RBFOX1: variants seen among roughly 807,000 people sequenced by gnomAD.
RBFOX1 encodes RNA binding fox-1 homolog 1.
Under a neutral mutation model 57.7 loss-of-function variants are expected in RBFOX1, and 8 were observed. That is an observed-to-expected ratio of 0.14 (90% confidence interval 0.08 to 0.25). The LOEUF is 0.25. RBFOX1 is among the 10% of genes least tolerant of loss of function. RBFOX1 has a pLI of 1.00. For synonymous variants in RBFOX1, 326 were observed against 222.4 expected (o/e 1.47, Z -4.15); for missense variants, 611 against 548.5 (o/e 1.11, Z -1.14).
At chr16:6,115,570 G>A (rs2096489091) in intron 1 of RBFOX1, among the ~76,000 whole-genome samples, 1 of 152,102 alleles carries the variant, frequency 6.6e-6, no homozygotes, top group Non-Finnish European at 1.5e-5. Flanking sequence ...TCCTTGCATG[G>A]CAGCCAGGTG....
At chr16:6,648,504 C>G (rs1448741509) in intron 2 of RBFOX1, among the ~76,000 whole-genome samples, 1 of 152,180 alleles carries the variant, frequency 6.6e-6, no homozygotes, top group Non-Finnish European at 1.5e-5. Flanking sequence ...GAGTCTAGTG[C>G]CGTGAGTCTA....
At chr16:7,222,621 G>T (rs745458184) in intron 4 of RBFOX1, among the ~76,000 whole-genome samples, 41 of 152,310 alleles carry the variant, frequency 2.7e-4, no homozygotes, top group Middle Eastern at 3.4e-3. Flanking sequence ...TGCCGCTTAT[G>T]ATCTGTGTGC....
chr16:5,646,858 C>T (rs1219705773), intron 3 of RBFOX1, among the ~76,000 whole-genome samples: 1 of 152,078 alleles, frequency 6.6e-6, no homozygotes, highest in Non-Finnish European at 1.5e-5. Flanking sequence ...TGGTCTCAAT[C>T]TCTTGACCTC....
chr16:6,167,405 G>C (rs1323897163), intron 1 of RBFOX1, among the ~76,000 whole-genome samples: 1 of 152,162 alleles, frequency 6.6e-6, no homozygotes, highest in Non-Finnish European at 1.5e-5. Flanking sequence ...GTACCCACTG[G>C]CTGTTTAAGT....
At chr16:5,903,381 C>T (rs1164403183) in intron 4 of RBFOX1, among the ~76,000 whole-genome samples, 2 of 152,168 alleles carry the variant, frequency 1.3e-5, no homozygotes, top group Non-Finnish European at 2.9e-5. Flanking sequence ...CCTGACACTT[C>T]CTATTACTCA....
chr16:6,833,253 C>A (rs1567465848), intron 3 of RBFOX1, among the ~76,000 whole-genome samples: 1 of 151,966 alleles, frequency 6.6e-6, no homozygotes. Flanking sequence ...ACAACCTCCG[C>A]CTCCCAGATT....
intron 4 of RBFOX1, among the ~76,000 whole-genome samples, chr16:7,303,665 G>A (rs985861869): frequency 1.3e-5 from 2 of 152,160 alleles, no homozygotes; most frequent in African/African-American, 2.4e-5. Flanking sequence ...CAAATGAGGA[G>A]ACAGACAGCA....
intron 1 of RBFOX1, among the ~76,000 whole-genome samples, chr16:6,078,746 G>C (rs1944785843): frequency 6.6e-6 from 1 of 152,200 alleles, no homozygotes; most frequent in Admixed American, 6.5e-5. Context: ...GTTGTTATTT[G>C]ATGATCCAGA....
At chr16:6,677,445 C>G (rs922935291) in intron 3 of RBFOX1, among the ~76,000 whole-genome samples, 4 of 152,132 alleles carry the variant, frequency 2.6e-5, no homozygotes, top group East Asian at 3.9e-4. Flanking sequence ...CTTATTGCCC[C>G]TAAAAGGCTA....
At chr16:7,115,574 C>T (rs532862908) in intron 4 of RBFOX1, among the ~76,000 whole-genome samples, 2 of 152,250 alleles carry the variant, frequency 1.3e-5, no homozygotes, top group Admixed American at 6.5e-5. Context: ...TGGCTGTTAG[C>T]AGGCTGGAAG....
At chr16:7,486,188 T>C (rs958152599) in intron 4 of RBFOX1, among the ~76,000 whole-genome samples, 33 of 143,208 alleles carry the variant, frequency 2.3e-4, no homozygotes, top group African/African-American at 8.3e-4. Flanking sequence ...AGTGGCGTGA[T>C]CTCAGCTCGC....
At chr16:6,547,191 G>A (rs188795725) in intron 2 of RBFOX1, among the ~76,000 whole-genome samples, 99 of 152,268 alleles carry the variant, frequency 6.5e-4, no homozygotes, top group Admixed American at 1.0e-3. Context: ...ATTATAAAAT[G>A]CTCTTCCCCC....
At chr16:6,162,801 T>A (rs2096889393) in intron 1 of RBFOX1, among the ~76,000 whole-genome samples, 1 of 152,178 alleles carries the variant, frequency 6.6e-6, no homozygotes, top group Admixed American at 6.5e-5. Context: ...TGACATGATC[T>A]CGGCTCACTG....
intron 4 of RBFOX1, among the ~76,000 whole-genome samples, chr16:7,478,208 G>A (rs1453283627): frequency 1.3e-5 from 2 of 152,214 alleles, no homozygotes; most frequent in African/African-American, 2.4e-5. Context: ...TATAGAAAAT[G>A]TTGCTACCTT....
intron 1 of RBFOX1, among the ~76,000 whole-genome samples, chr16:5,372,006 G>A (rs2065870644): frequency 6.6e-6 from 1 of 152,192 alleles, no homozygotes; most frequent in African/African-American, 2.4e-5. Flanking sequence ...CTCATAAGGG[G>A]GGAATCCTCT....
chr16:5,677,675 G>A (rs1047723449), intron 3 of RBFOX1, among the ~76,000 whole-genome samples: 2 of 152,204 alleles, frequency 1.3e-5, no homozygotes, highest in African/African-American at 2.4e-5. Context: ...TGTTAGTAGA[G>A]CTTGTTATAG....
intron 12 of RBFOX1, among the ~76,000 whole-genome samples, chr16:7,657,301 C>G (rs1164160036): frequency 2.0e-5 from 3 of 152,046 alleles, no homozygotes; most frequent in Non-Finnish European, 4.4e-5. Context: ...TCATCCATTT[C>G]CTTTTAAAAA....
At chr16:5,981,994 G>A (rs563380262) in intron 4 of RBFOX1, among the ~76,000 whole-genome samples, 19 of 152,288 alleles carry the variant, frequency 1.2e-4, no homozygotes, top group Middle Eastern at 3.4e-3. Flanking sequence ...TATCTAAAGG[G>A]TGTTTCTGTT....
At chr16:6,325,099 T>A (rs1409733591) in intron 2 of RBFOX1, among the ~76,000 whole-genome samples, 2 of 152,202 alleles carry the variant, frequency 1.3e-5, no homozygotes, top group East Asian at 3.9e-4. Context: ...CTCATGCTTA[T>A]AAGCCCAGAA....
Sources: gnomAD v4.1 joint callset for allele counts (sites outside exome capture counted in the v4.1 genomes callset) on GRCh38, gnomAD v4.1.1 for gene constraint, MANE v1.5 for transcripts, NCBI Gene and HGNC (gene_info 2026-07-23, HGNC 2026-07-21) for gene names.